The following SLIT2 variants were observed in gnomAD, a reference collection of about 807,000 sequenced individuals.
The protein encoded by SLIT2 is slit guidance ligand 2.
Under a neutral mutation model 185.7 loss-of-function variants are expected in SLIT2, and 41 were observed. The ratio of observed to expected loss-of-function variants is 0.22; its 90% confidence interval spans 0.17 to 0.29. The LOEUF is 0.29. Among genes scored for constraint, SLIT2 ranks in the 10% least tolerant of loss-of-function variants. SLIT2 has a pLI of 1.00. For synonymous variants in SLIT2, 693 were observed against 680.2 expected, an observed-to-expected ratio of 1.02 and a Z score of -0.29; for missense variants, 1,571 against 1,909.0, an observed-to-expected ratio of 0.82 and a Z score of 3.30.
At chr4:20,318,443 T>C (rs1718781889) in intron 4 of SLIT2, among the ~76,000 whole-genome samples, 2 of 152,174 alleles carry the variant, frequency 1.3e-5, no homozygotes, top group Admixed American at 1.3e-4. Flanking sequence ...AATGTTCAAG[T>C]GCAAGCATTC....
At chr4:20,302,429 A>G (rs1464915482) in intron 4 of SLIT2, among the ~76,000 whole-genome samples, 1 of 152,116 alleles carries the variant, frequency 6.6e-6, no homozygotes, top group African/African-American at 2.4e-5. Context: ...CATGCCAGGC[A>G]ATGGGGGAGG....
At chr4:20,458,371 T>C (rs1331023057) in intron 4 of SLIT2, among the ~76,000 whole-genome samples, 1 of 152,110 alleles carries the variant, frequency 6.6e-6, no homozygotes, top group Non-Finnish European at 1.5e-5. Context: ...GCCATGTTTG[T>C]AAACCAAACA....
chr4:20,417,497 T>C (rs1226650329), intron 4 of SLIT2, among the ~76,000 whole-genome samples: 1 of 148,366 alleles, frequency 6.7e-6, no homozygotes, highest in Non-Finnish European at 1.5e-5. Context: ...TATATATACA[T>C]ATACATATAT....
At chr4:20,272,727 C>T (rs1435572450) in intron 4 of SLIT2, among the ~76,000 whole-genome samples, 1 of 152,096 alleles carries the variant, frequency 6.6e-6, no homozygotes, top group Non-Finnish European at 1.5e-5. Context: ...TTTAGAAACT[C>T]ATTTTTCACT....
chr4:20,335,980 C>A (rs1245125269), intron 4 of SLIT2, among the ~76,000 whole-genome samples: 2 of 151,984 alleles, frequency 1.3e-5, no homozygotes, highest in African/African-American at 4.8e-5. Flanking sequence ...CTGAGTTTAG[C>A]CGACCAACAT....
chr4:20,260,163 G>A (rs17534458), intron 3 of SLIT2, among the ~76,000 whole-genome samples: 33,022 of 151,670 alleles, frequency 0.22, 4,507 homozygotes, highest in Middle Eastern at 0.35. Context: ...TACCCAGAGA[G>A]TTCCATAATC....
At chr4:20,448,159 C>T (rs1371329136) in intron 4 of SLIT2, among the ~76,000 whole-genome samples, 1 of 152,036 alleles carries the variant, frequency 6.6e-6, no homozygotes, top group Non-Finnish European at 1.5e-5. Context: ...TTTCCTAATC[C>T]TTCGAGATAT....
chr4:20,388,950 A>G (rs1253356021), intron 4 of SLIT2, among the ~76,000 whole-genome samples: 1 of 122,542 alleles, frequency 8.2e-6, no homozygotes, highest in Non-Finnish European at 1.9e-5. Flanking sequence ...ACATACATGT[A>G]TATATGTCAA....
chr4:20,514,831 T>C (rs1479519748), intron 11 of SLIT2, among the ~76,000 whole-genome samples: 1 of 151,808 alleles, frequency 6.6e-6, no homozygotes, highest in Admixed American at 6.6e-5. Context: ...TATACTAATA[T>C]ATTGTTACAT....
intron 15 of SLIT2, among the ~76,000 whole-genome samples, chr4:20,527,050 C>T (rs778547593): frequency 1.1e-4 from 16 of 152,260 alleles, no homozygotes; most frequent in East Asian, 1.9e-4. Flanking sequence ...TATTTACCAT[C>T]GCAAACTTCT....
chr4:20,567,513 T>C lies in SLIT2; in HGVS notation c.2851-5T>C. The C allele has an allele frequency of 6.2e-7, 1 of 1,612,046 alleles. No individual in the cohort carries two copies. Among genetic ancestry groups the C allele is most frequent in the South Asian group, 1.1e-5 (1 of 91,022 alleles). ...ACTCGACTATACTTGCCCCTTCTTC[T>C]CCAGGGGCAGGACTGTGATGTCCCA... On this transcript the variant is annotated splice_region_variant and splice_polypyrimidine_tract_variant and intron_variant, in intron 27 of 36. Coordinates refer to ENST00000504154, the MANE Select transcript of SLIT2 (RefSeq NM_004787.4).
intron 34 of SLIT2, among the ~76,000 whole-genome samples, chr4:20,613,018 G>T (rs1240756702): frequency 1.3e-5 from 2 of 152,032 alleles, no homozygotes; most frequent in African/African-American, 2.4e-5. Flanking sequence ...TGCTGGCAAG[G>T]TTGTGGAGAA....
rs367574598 is a variant in SLIT2 at position 20,272,608 on chromosome 4, C to T, written c.395+3727C>T. ...AAGAGGAATTTCATTGGTAGTACTG[C>T]GGTTAGGCATTTGGTTATAAATATT... On this transcript the variant is annotated intron_variant, in intron 4 of 36. Coordinates refer to ENST00000504154, the MANE Select transcript of SLIT2 (RefSeq NM_004787.4). 1.0e-3 allele frequency among the ~76,000 whole-genome samples: 157 copies of T among 152,138 alleles called. 2 individuals carry two copies. In the South Asian group the frequency reaches 0.026, roughly 25 times the overall value.
At chr4:20,501,708 T>C (rs886667353) in intron 9 of SLIT2, among the ~76,000 whole-genome samples, 18 of 152,206 alleles carry the variant, frequency 1.2e-4, no homozygotes, top group Admixed American at 4.6e-4. Flanking sequence ...GATGAAACCA[T>C]GCATGTAGTT....
chr4:20,363,356 T>C (rs936288861), intron 4 of SLIT2, among the ~76,000 whole-genome samples: 3 of 152,120 alleles, frequency 2.0e-5, no homozygotes, highest in Non-Finnish European at 4.4e-5. Flanking sequence ...TAAACTATAG[T>C]AGTGTTTCTG....
chr4:20,594,369 ATATG>A (rs1375743193), intron 30 of SLIT2, among the ~76,000 whole-genome samples: 1 of 151,790 alleles, frequency 6.6e-6, no homozygotes, highest in Non-Finnish European at 1.5e-5. Context: ...AGTTATGTGT[ATATG>A]TATGTATATA....
rs1577810912 is a variant in SLIT2, at chr4:20,507,791, A to G, written c.915-2704A>G. Among the ~76,000 whole-genome samples the G allele has an allele frequency of 4.6e-5, 7 of 152,018 alleles. No individual in the cohort carries two copies. In the South Asian group the frequency reaches 1.5e-3, roughly 32 times the overall value. On this transcript the variant is annotated intron_variant, in intron 9 of 36. Transcript: ENST00000504154. ...AGAAATCTACTAGTCACTGAGAGCTATTAATTTTTTCTCATCATAGCACTA... is the reference window on the plus strand; with the variant it reads ...AGAAATCTACTAGTCACTGAGAGCTGTTAATTTTTTCTCATCATAGCACTA...
chr4:20,474,634 T>G (rs1440390471), intron 5 of SLIT2, among the ~76,000 whole-genome samples: 3 of 152,104 alleles, frequency 2.0e-5, no homozygotes, highest in Admixed American at 6.5e-5. Flanking sequence ...CCATGGCTGC[T>G]GTGTCTTCTT....
intron 4 of SLIT2, among the ~76,000 whole-genome samples, chr4:20,351,592 C>T (rs1173345323): frequency 6.6e-6 from 1 of 152,108 alleles, no homozygotes. Context: ...CAGGTGACAA[C>T]CTCCACTTAC....
Sources: gnomAD v4.1 joint callset for allele counts (sites outside exome capture counted in the v4.1 genomes callset) on GRCh38, gnomAD v4.1.1 for gene constraint, MANE v1.5 for transcripts, NCBI Gene and HGNC (gene_info 2026-07-23, HGNC 2026-07-21) for gene names.